The following DPP10 variants were observed in gnomAD, a reference collection of about 807,000 sequenced individuals.
DPP10 encodes dipeptidyl peptidase like 10.
Under a neutral mutation model 120.9 loss-of-function variants are expected in DPP10, and 33 were observed. The observed-to-expected ratio is 0.27, with a 90% CI of 0.21 to 0.37. The LOEUF (loss-of-function observed/expected upper bound fraction) is 0.37. DPP10 is among the 10% of genes least tolerant of loss of function. DPP10 has a pLI of 1.00. For missense variants in DPP10, 816 were observed against 942.8 expected (o/e 0.87, Z 1.76); for synonymous variants, 337 against 326.1 (o/e 1.03, Z -0.36).
chr2:115,177,391 CTT>C (rs964670402), intron 1 of DPP10, among the ~76,000 whole-genome samples: 4 of 152,158 alleles, frequency 2.6e-5, no homozygotes, highest in Admixed American at 2.6e-4. Context: ...TTTCAGAGGT[CTT>C]TGTCATTTTG....
intron 1 of DPP10, among the ~76,000 whole-genome samples, chr2:114,932,869 G>T (rs1196814582): frequency 2.0e-5 from 3 of 152,242 alleles, no homozygotes; most frequent in South Asian, 2.1e-4. Flanking sequence ...GAATAAAAAA[G>T]TATGCCTCAC....
At chr2:115,087,409 A>T (rs1262076845) in intron 1 of DPP10, among the ~76,000 whole-genome samples, 2 of 152,146 alleles carry the variant, frequency 1.3e-5, no homozygotes, top group African/African-American at 4.8e-5. Context: ...TCTAGCATGC[A>T]TCAGAATCAC....
intron 1 of DPP10, among the ~76,000 whole-genome samples, chr2:115,174,511 T>G (rs1396247355): frequency 1.3e-5 from 2 of 152,194 alleles, no homozygotes; most frequent in Non-Finnish European, 1.5e-5. Context: ...CAGAAATTTT[T>G]GGGTACTTAT....
chr2:115,580,962 C>T (rs560573377), intron 5 of DPP10, among the ~76,000 whole-genome samples: 9 of 152,192 alleles, frequency 5.9e-5, no homozygotes, highest in Non-Finnish European at 8.8e-5. Context: ...TGTTAAGGTA[C>T]GGAAAATGAG....
At chr2:115,262,851 A>G (rs909322863) in intron 1 of DPP10, among the ~76,000 whole-genome samples, 1 of 151,850 alleles carries the variant, frequency 6.6e-6, no homozygotes, top group Non-Finnish European at 1.5e-5. Context: ...CTCATTCATA[A>G]TAGATTGTAT....
intron 1 of DPP10, among the ~76,000 whole-genome samples, chr2:114,758,889 G>C (rs187359661): frequency 3.4e-4 from 51 of 152,230 alleles, no homozygotes; most frequent in African/African-American, 1.0e-3. Context: ...AACTTTCAAA[G>C]CAACCCCCTA....
At chr2:115,624,915 A>G (rs1221380791) in intron 5 of DPP10, among the ~76,000 whole-genome samples, 1 of 152,182 alleles carries the variant, frequency 6.6e-6, no homozygotes, top group Non-Finnish European at 1.5e-5. Context: ...AAAGTGGAAC[A>G]GTTAGATGGG....
chr2:115,153,901 C>A (rs2051727467), intron 1 of DPP10, among the ~76,000 whole-genome samples: 1 of 152,080 alleles, frequency 6.6e-6, no homozygotes, highest in Non-Finnish European at 1.5e-5. Flanking sequence ...CTATAACATT[C>A]TGTATCTTAT....
chr2:114,667,072 C>A (rs941117460), intron 1 of DPP10, among the ~76,000 whole-genome samples: 1 of 152,172 alleles, frequency 6.6e-6, no homozygotes, highest in Admixed American at 6.5e-5. Context: ...GCCATAGACA[C>A]TATGCAAATG....
chr2:115,599,007 C>G (rs549412385), intron 5 of DPP10, among the ~76,000 whole-genome samples: 4 of 151,758 alleles, frequency 2.6e-5, no homozygotes, highest in Admixed American at 6.6e-5. Flanking sequence ...CTTCCCTGCT[C>G]TCTTTTGTTC....
chr2:115,241,409 C>A (rs991712077), intron 1 of DPP10, among the ~76,000 whole-genome samples: 11 of 152,200 alleles, frequency 7.2e-5, no homozygotes, highest in African/African-American at 2.7e-4. Context: ...TTTCTTTACT[C>A]TTTCTCTGCA....
intron 19 of DPP10, among the ~76,000 whole-genome samples, chr2:115,792,941 T>C (rs902918987): frequency 2.0e-5 from 3 of 152,210 alleles, no homozygotes; most frequent in Admixed American, 6.5e-5. Flanking sequence ...AATGTGTAGA[T>C]AATTATGCCC....
intron 1 of DPP10, among the ~76,000 whole-genome samples, chr2:114,831,645 T>TCTGCAC (rs1390906303): frequency 6.6e-6 from 1 of 152,100 alleles, no homozygotes; most frequent in Non-Finnish European, 1.5e-5. Flanking sequence ...AAACAGATAT[T>TCTGCAC]CTGCACGTAG....
At chr2:114,517,113 C>T (rs1319952464) in intron 1 of DPP10, among the ~76,000 whole-genome samples, 1 of 151,976 alleles carries the variant, frequency 6.6e-6, no homozygotes, top group African/African-American at 2.4e-5. Flanking sequence ...CTTTAGTTTC[C>T]ATTGCAGATT....
At chr2:114,800,324 A>G (rs1684085814) in intron 1 of DPP10, among the ~76,000 whole-genome samples, 1 of 152,260 alleles carries the variant, frequency 6.6e-6, no homozygotes, top group South Asian at 2.1e-4. Flanking sequence ...AAACTTAATT[A>G]ACTACAGAAA....
intron 1 of DPP10, among the ~76,000 whole-genome samples, chr2:114,930,351 T>A (rs901207902): frequency 6.6e-6 from 1 of 152,204 alleles, no homozygotes; most frequent in Non-Finnish European, 1.5e-5. Context: ...CCAAATCAGG[T>A]TGTAAGCAAT....
At chr2:115,419,949 A>G (rs760380920) in intron 3 of DPP10, among the ~76,000 whole-genome samples, 8 of 152,168 alleles carry the variant, frequency 5.3e-5, no homozygotes, top group Non-Finnish European at 7.3e-5. Context: ...TCCCCTTGCA[A>G]TTGTATATAT....
intron 1 of DPP10, among the ~76,000 whole-genome samples, chr2:114,885,343 G>C (rs1396591216): frequency 6.6e-6 from 1 of 152,066 alleles, no homozygotes; most frequent in Admixed American, 6.6e-5. Context: ...GCGCCGAGGG[G>C]ATAATGCTAA....
intron 1 of DPP10, among the ~76,000 whole-genome samples, chr2:115,059,235 G>A (rs906825348): frequency 6.6e-6 from 1 of 151,770 alleles, no homozygotes; most frequent in Non-Finnish European, 1.5e-5. Context: ...AGAAGAAGAA[G>A]AAGAATGCAT....
Sources: gnomAD v4.1 joint callset for allele counts (sites outside exome capture counted in the v4.1 genomes callset) on GRCh38, gnomAD v4.1.1 for gene constraint, MANE v1.5 for transcripts, NCBI Gene and HGNC (gene_info 2026-07-23, HGNC 2026-07-21) for gene names.